ZC3H18: variants seen among roughly 807,000 people sequenced by gnomAD.
ZC3H18 encodes the protein zinc finger CCCH domain-containing protein 18.
ZC3H18 carries 8 observed loss-of-function variants against 106.1 expected under a neutral mutation model. That is an observed-to-expected ratio of 0.08 (90% CI 0.04 to 0.14). The LOEUF (loss-of-function observed/expected upper bound fraction) is 0.14. Ranked by LOEUF, ZC3H18 falls within the 10% of genes least tolerant of loss-of-function variation. The pLI, the probability that ZC3H18 is intolerant of heterozygous loss-of-function variation, is 1.00. For synonymous variants in ZC3H18, 635 were observed against 522.1 expected (o/e 1.22, Z -2.95); for missense variants, 1,318 against 1,278.4 (o/e 1.03, Z -0.47).
At chr16:88,582,999 A>AC (rs2142564553) in intron 2 of ZC3H18, among the ~76,000 whole-genome samples, 1 of 152,240 alleles carries the variant, frequency 6.6e-6, no homozygotes, top group Admixed American at 6.5e-5. Context: ...GGAATGATAG[A>AC]CCCGTATTTT....
chr16:88,624,196 G>A (rs1906148789), intron 11 of ZC3H18, 134 bp downstream of exon 11: 1 of 1,276,228 alleles, frequency 7.8e-7, no homozygotes. Context: ...GGCCCCAGGG[G>A]GTGACTGGGC....
intron 10 of ZC3H18, 27 bp downstream of exon 10, chr16:88,623,371 C>A (rs1209541250): frequency 1.2e-6 from 2 of 1,609,812 alleles, no homozygotes; most frequent in Non-Finnish European, 1.7e-6. Context: ...CATGAAGGGC[C>A]CTCAGCAGGT....
At chr16:88,623,899 C>A (rs1906125296) in intron 10 of ZC3H18, 59 bp from the exon 11 acceptor site, 1 of 1,548,056 alleles carries the variant, frequency 6.5e-7, no homozygotes, top group Non-Finnish European at 8.7e-7. Context: ...CCTCAGTGGG[C>A]TTGGGCTGGT....
intron 1 of ZC3H18, chr16:88,571,502 G>T: frequency 6.1e-6 from 3 of 494,598 alleles, no homozygotes; most frequent in Non-Finnish European, 7.9e-6. Context: ...TCCCAGCTTT[G>T]GGAGGAGAGT....
At chr16:88,625,888 G>A (rs1906279606) in intron 13 of ZC3H18, 1 of 145,714 alleles carries the variant, frequency 6.9e-6, no homozygotes, top group Non-Finnish European at 1.5e-5. Context: ...TGTTGCCCAG[G>A]CTGGAGTGCA....
intron 7 of ZC3H18, 49 bp downstream of exon 7, chr16:88,609,100 C>A: frequency 1.4e-6 from 2 of 1,428,622 alleles, no homozygotes; most frequent in Non-Finnish European, 2.0e-6. Context: ...TCTGTTCATT[C>A]AAGTTATCCC....
intron 10 of ZC3H18, 57 bp from the exon 11 acceptor site, chr16:88,623,901 T>C: frequency 6.5e-7 from 1 of 1,549,452 alleles, no homozygotes; most frequent in Non-Finnish European, 8.7e-7. Flanking sequence ...TCAGTGGGCT[T>C]GGGCTGGTGA....
chr16:88,600,598 G>C (rs1006141345), intron 6 of ZC3H18, among the ~76,000 whole-genome samples: 2 of 152,152 alleles, frequency 1.3e-5, no homozygotes, highest in Non-Finnish European at 2.9e-5. Context: ...GTTTTTAGTA[G>C]AGATGGATTT....
chr16:88,580,309 G>A (rs1008589754), intron 2 of ZC3H18, among the ~76,000 whole-genome samples: 3 of 151,906 alleles, frequency 2.0e-5, no homozygotes, highest in African/African-American at 7.3e-5. Context: ...CTGGGGCCTG[G>A]CACATAGTGG....
Position 88,628,783 on chromosome 16 carries a change from G to A in ZC3H18, c.2495G>A (p.Arg832His), listed in dbSNP as rs1158708929. 6 of 1,613,968 alleles carry A rather than the reference G, an allele frequency of 3.7e-6. No homozygotes were observed. Among genetic ancestry groups the A allele is most frequent in the Admixed American group, 3.3e-5 (2 of 60,000 alleles). ...GCGGCTGATAAAGGAAGCAGGAAGC[G>A]CTATGAACCATCAGACAAGGACAGG... Reference protein sequence around the residue: ...NKAADKGSRKRYEPSDKDRQS... With the variant: ...NKAADKGSRKHYEPSDKDRQS... The change falls in exon 16 of 18, where the codon CGC becomes CAC. Residue 832 changes from arginine to histidine, a missense_variant. Physicochemically the swap from Arg to His is conservative, Grantham distance 29. Transcript: ENST00000301011.
intron 5 of ZC3H18, 79 bp from the exon 6 acceptor site, chr16:88,599,712 G>A (rs1181007543): frequency 1.3e-6 from 2 of 1,516,866 alleles, no homozygotes; most frequent in Admixed American, 2.1e-5. Context: ...CGGTCGGGTG[G>A]GACGGCTCCC....
chr16:88,604,579 G>A (rs1010677289), intron 6 of ZC3H18, among the ~76,000 whole-genome samples: 5 of 151,770 alleles, frequency 3.3e-5, no homozygotes, highest in Admixed American at 6.6e-5. Flanking sequence ...CCAGCTACTC[G>A]GGAGGCTGAG....
At chr16:88,628,223 A>C (rs924769184) in intron 15 of ZC3H18, 104 bp downstream of exon 15, 2 of 1,321,050 alleles carry the variant, frequency 1.5e-6, no homozygotes, top group Non-Finnish European at 2.1e-6. Context: ...AGTGAGGGCG[A>C]GTGGGGCCTT....
intron 10 of ZC3H18, 154 bp downstream of exon 10, chr16:88,623,498 T>TC: frequency 9.9e-7 from 1 of 1,010,176 alleles, no homozygotes; most frequent in East Asian, 2.6e-5. Context: ...GTGTCCTGTG[T>TC]CCCCCACCAA....
chr16:88,593,983 A>G (rs566215775), intron 3 of ZC3H18, among the ~76,000 whole-genome samples: 3 of 152,336 alleles, frequency 2.0e-5, no homozygotes, highest in Admixed American at 6.5e-5. Flanking sequence ...ATAGGGTTCA[A>G]TTGCAGCTCG....
chr16:88,622,523 A>G lies in ZC3H18; in HGVS notation c.1667+135A>G, dbSNP rs557241078. ...TGGCGTCGTTACCTGCAGACCAGTCAGTGGGACTAACCCGGCGTTTATACC... is the reference window on the plus strand; with the variant it reads ...TGGCGTCGTTACCTGCAGACCAGTCGGTGGGACTAACCCGGCGTTTATACC... On this transcript the variant is annotated intron_variant, in intron 9 of 17. Coordinates refer to ENST00000301011, the MANE Select transcript of ZC3H18 (RefSeq NM_144604.4). The G allele has an allele frequency of 3.1e-6, 3 of 966,404 alleles. No individual in the cohort carries two copies. The East Asian group carries it at 8.0e-5, about 26-fold the overall frequency. 59.9% of individuals were successfully genotyped at this position (966,404 alleles called of 1,614,324 possible).
intron 1 of ZC3H18, among the ~76,000 whole-genome samples, chr16:88,574,410 T>C (rs1914607875): frequency 6.6e-6 from 1 of 151,812 alleles, no homozygotes; most frequent in Non-Finnish European, 1.5e-5. Flanking sequence ...GGTTTCACCA[T>C]GTTGGCCAGG....
At chr16:88,608,089 T>C (rs750939903) in intron 6 of ZC3H18, among the ~76,000 whole-genome samples, 3 of 152,248 alleles carry the variant, frequency 2.0e-5, no homozygotes, top group Non-Finnish European at 4.4e-5. Context: ...TTGTTTGAAT[T>C]GGCTTTATCA....
intron 1 of ZC3H18, among the ~76,000 whole-genome samples, chr16:88,572,251 C>T (rs772250865): frequency 9.9e-5 from 15 of 152,252 alleles, no homozygotes; most frequent in Non-Finnish European, 1.9e-4. Flanking sequence ...CCGTTGGAGT[C>T]TGTGCATCCT....
Sources: allele counts gnomAD v4.1 joint callset (sites outside exome capture counted in the v4.1 genomes callset), GRCh38; gene constraint gnomAD v4.1.1; transcripts MANE v1.5; gene names NCBI Gene and HGNC (gene_info 2026-07-23, HGNC 2026-07-21).